The following SCAPER variants were observed in gnomAD, a reference collection of about 807,000 sequenced individuals.
The protein encoded by SCAPER is S phase cyclin A-associated protein in the endoplasmic reticulum.
SCAPER carries 98 observed loss-of-function variants against 182.2 expected under a neutral mutation model. That is an observed-to-expected ratio of 0.54 (90% CI 0.46 to 0.64). The LOEUF is 0.64. Among genes scored for constraint, SCAPER ranks in the 30% least tolerant of loss-of-function variants. The pLI is 0.00. For missense variants in SCAPER, 1,432 were observed against 1,690.0 expected, an observed-to-expected ratio of 0.85 and a Z score of 2.68; for synonymous variants, 605 against 564.6, an observed-to-expected ratio of 1.07 and a Z score of -1.01.
At chr15:76,810,734 G>T (rs2066537824) in intron 5 of SCAPER, among the ~76,000 whole-genome samples, 1 of 151,908 alleles carries the variant, frequency 6.6e-6, no homozygotes, top group Non-Finnish European at 1.5e-5. Flanking sequence ...TAAATTATTT[G>T]GGGTTAAATA....
chr15:76,512,635 T>C lies in SCAPER; in HGVS notation c.2839-7661A>G, dbSNP rs1392593579. On this transcript the variant is annotated intron_variant, in intron 23 of 31. Coordinates refer to ENST00000563290, the MANE Select transcript of SCAPER (RefSeq NM_020843.4). The stretch of plus-strand genomic sequence containing the variant: ...ACTGAGTAAAAGCAGATCATTTTAA[T>C]GTATACATCTATGCCTTAAAAAAAA... Among the ~76,000 whole-genome samples the C allele has an allele frequency of 2.0e-5, 3 of 152,102 alleles. No homozygotes were observed. The East Asian group carries it at 5.8e-4, about 30-fold the overall frequency.
chr15:76,487,056 CA>C (rs917486174), intron 24 of SCAPER, among the ~76,000 whole-genome samples: 18 of 152,190 alleles, frequency 1.2e-4, no homozygotes, highest in African/African-American at 4.3e-4. Context: ...AGCTGGAGGC[CA>C]TTACCTTAGC....
At position 76,686,864 on chromosome 15, in the gene SCAPER, A is replaced by T. The variant is rs145704833; in HGVS notation, c.2508+14894T>A. Among the ~76,000 whole-genome samples the T allele has an allele frequency of 1.2e-3, 190 of 152,282 alleles. 2 individuals carry two copies. Among genetic ancestry groups the T allele is most frequent in the African/African-American group, 4.3e-3 (178 of 41,588 alleles). ...CAAAATAAAAGTATACATTTTAGGAATAGACCTACATTCAAAAAAATCAAA... is the reference window on the plus strand; with the variant it reads ...CAAAATAAAAGTATACATTTTAGGATTAGACCTACATTCAAAAAAATCAAA... On this transcript the variant is annotated intron_variant, in intron 20 of 31. Coordinates refer to ENST00000563290, the MANE Select transcript of SCAPER (RefSeq NM_020843.4).
At chr15:76,485,906 A>G (rs575012822) in intron 24 of SCAPER, among the ~76,000 whole-genome samples, 10 of 152,152 alleles carry the variant, frequency 6.6e-5, no homozygotes, top group African/African-American at 1.2e-4. Flanking sequence ...AAAGACTTAA[A>G]TGTAAAACCG....
intron 11 of SCAPER, 94 bp downstream of exon 11, chr15:76,766,824 T>C (rs2063145238): frequency 1.1e-6 from 1 of 922,306 alleles, no homozygotes; most frequent in Admixed American, 3.1e-5. Flanking sequence ...TAATTCTAAA[T>C]AGGACTAGAT....
intron 26 of SCAPER, among the ~76,000 whole-genome samples, chr15:76,416,230 T>A (rs2045635190): frequency 6.6e-6 from 1 of 151,870 alleles, no homozygotes; most frequent in African/African-American, 2.4e-5. Flanking sequence ...ATCCCAGCAC[T>A]TTGGAAGGCC....
intron 23 of SCAPER, among the ~76,000 whole-genome samples, chr15:76,511,002 T>C (rs1443813007): frequency 6.6e-6 from 1 of 152,166 alleles, no homozygotes; most frequent in Non-Finnish European, 1.5e-5. Context: ...AACTCAGGGA[T>C]GGAAAACCAA....
chr15:76,520,774 T>TATAATATATCATAAGTGCTGATC (rs2042773692), intron 23 of SCAPER, among the ~76,000 whole-genome samples: 1 of 152,324 alleles, frequency 6.6e-6, no homozygotes, highest in Admixed American at 6.5e-5. Context: ...ATTATATAAA[T>TATAATATATCATAAGTGCTGATC]AGTAAGTGCT....
At chr15:76,665,158 G>A (rs921393350) in intron 21 of SCAPER, among the ~76,000 whole-genome samples, 8 of 152,134 alleles carry the variant, frequency 5.3e-5, no homozygotes, top group African/African-American at 1.4e-4. Context: ...ACACTTTGGA[G>A]GCTGATGATA....
At chr15:76,740,861 G>T (rs1555565910) in intron 15 of SCAPER, among the ~76,000 whole-genome samples, 1 of 151,974 alleles carries the variant, frequency 6.6e-6, no homozygotes, top group Non-Finnish European at 1.5e-5. Flanking sequence ...TTTAACAAGA[G>T]AAAAATAATA....
chr15:76,880,302 C>A (rs1006837575), intron 2 of SCAPER, among the ~76,000 whole-genome samples: 2 of 151,938 alleles, frequency 1.3e-5, no homozygotes, highest in African/African-American at 4.8e-5. Flanking sequence ...TAAATGGGCA[C>A]AGACAAAAGT....
intron 27 of SCAPER, 139 bp downstream of exon 27, chr15:76,404,385 A>T: frequency 1.3e-6 from 1 of 789,150 alleles, no homozygotes; most frequent in Admixed American, 2.6e-5. Flanking sequence ...CAATATAGAA[A>T]GCCAATGATG....
At chr15:76,705,821 C>T (rs2059233985) in intron 18 of SCAPER, 82 bp downstream of exon 18, 1 of 889,310 alleles carries the variant, frequency 1.1e-6, no homozygotes, top group Non-Finnish European at 1.7e-6. Context: ...CAAATTAATT[C>T]AATTTTTTTC....
At chr15:76,391,440 G>A (rs1426937376) in intron 27 of SCAPER, among the ~76,000 whole-genome samples, 1 of 152,144 alleles carries the variant, frequency 6.6e-6, no homozygotes, top group East Asian at 1.9e-4. Flanking sequence ...CCTTGACAAG[G>A]TCTGGGACAT....
intron 30 of SCAPER, 51 bp downstream of exon 30, chr15:76,353,898 C>T (rs1414571375): frequency 2.8e-5 from 40 of 1,406,618 alleles, no homozygotes; most frequent in Admixed American, 6.4e-5. Flanking sequence ...ACATTTCTGT[C>T]GCATTAGTTT....
chr15:76,838,738 A>T (rs986089177), intron 5 of SCAPER, among the ~76,000 whole-genome samples: 1 of 152,202 alleles, frequency 6.6e-6, no homozygotes, highest in Non-Finnish European at 1.5e-5. Context: ...AATAAAATGT[A>T]TTCCCAGCAT....
intron 5 of SCAPER, among the ~76,000 whole-genome samples, chr15:76,826,966 A>G (rs1398688990): frequency 4.6e-5 from 7 of 152,164 alleles, no homozygotes; most frequent in Non-Finnish European, 8.8e-5. Context: ...TCAGTTTCAT[A>G]TTCTGCTCTA....
At chr15:76,464,005 G>GTT (rs1305775667) in intron 25 of SCAPER, among the ~76,000 whole-genome samples, 7 of 30,162 alleles carry the variant, frequency 2.3e-4, no homozygotes, top group Admixed American at 1.6e-3. Context: ...ACTTTCACTG[G>GTT]TCTTTTTTTT....
At chr15:76,793,320 T>G in intron 8 of SCAPER, 1 of 749,468 alleles carries the variant, frequency 1.3e-6, no homozygotes, top group Non-Finnish European at 2.4e-6. Context: ...CAAAATGATG[T>G]GTCTTTTTGT....
Sources: gnomAD v4.1 joint callset for allele counts (sites outside exome capture counted in the v4.1 genomes callset) on GRCh38, gnomAD v4.1.1 for gene constraint, MANE v1.5 for transcripts, NCBI Gene and HGNC (gene_info 2026-07-23, HGNC 2026-07-21) for gene names.